PRSS23: variants seen among roughly 807,000 people sequenced by gnomAD.
PRSS23 encodes the protein protease, serine 23.
Under a neutral mutation model 34.7 loss-of-function variants are expected in PRSS23, and 25 were observed. The observed-to-expected ratio is 0.72, with a 90% CI of 0.53 to 1.01. PRSS23 has a LOEUF of 1.01. PRSS23 is among the 50% of genes least tolerant of loss of function. The probability of loss-of-function intolerance (pLI) is 0.00; values close to 1 mark genes in which losing one functional copy is unlikely to be tolerated. For synonymous variants in PRSS23, 176 were observed against 186.6 expected, an observed-to-expected ratio of 0.94 and a Z score of 0.46; for missense variants, 445 against 475.6, an observed-to-expected ratio of 0.94 and a Z score of 0.60.
chr11:86,799,242 C>G (rs1250659314), upstream of PRSS23, among the ~76,000 whole-genome samples: 2 of 152,044 alleles, frequency 1.3e-5, no homozygotes, highest in Non-Finnish European at 2.9e-5. Context: ...GAGTACTTGT[C>G]TTGAAAATAA....
chr11:86,936,462 T>C (rs1047500914), intron 2 of PRSS23: 1 of 152,150 alleles, frequency 6.6e-6, no homozygotes, highest in Non-Finnish European at 1.5e-5. Flanking sequence ...AGACAAGGTT[T>C]CTCCATGTTG....
intron 2 of PRSS23, among the ~76,000 whole-genome samples, chr11:86,918,365 G>A (rs1949027270): frequency 6.6e-6 from 1 of 152,120 alleles, no homozygotes; most frequent in Admixed American, 6.6e-5. Flanking sequence ...AATCAAAGAT[G>A]TATTCATATA....
At chr11:86,924,556 C>T (rs1412516509) in intron 2 of PRSS23, among the ~76,000 whole-genome samples, 2 of 152,140 alleles carry the variant, frequency 1.3e-5, no homozygotes, top group Non-Finnish European at 2.9e-5. Context: ...GGCTCTTGGA[C>T]CTGGGTTCAA....
intron 2 of PRSS23, among the ~76,000 whole-genome samples, chr11:86,920,709 C>T (rs1224179569): frequency 6.6e-6 from 1 of 152,090 alleles, no homozygotes; most frequent in Non-Finnish European, 1.5e-5. Context: ...ACTCAATTCC[C>T]TCCCCTTCCA....
intron 2 of PRSS23, among the ~76,000 whole-genome samples, chr11:86,828,478 C>A (rs1948322134): frequency 6.6e-6 from 1 of 152,084 alleles, no homozygotes. Context: ...TTAATTGGAG[C>A]ATTTAGTCCA....
intron 2 of PRSS23, among the ~76,000 whole-genome samples, chr11:86,895,477 CTTTTTTTTT>C (rs71040269): frequency 9.2e-5 from 8 of 86,628 alleles, no homozygotes; most frequent in African/African-American, 3.6e-4. Context: ...TTATTTTATC[CTTTTTTTTT>C]TTTTTTTTTT....
intron 1 of PRSS23, among the ~76,000 whole-genome samples, chr11:86,818,559 A>T (rs1948230574): frequency 6.6e-6 from 1 of 152,208 alleles, no homozygotes; most frequent in Non-Finnish European, 1.5e-5. Context: ...TTCAGACTAA[A>T]CGATCTCAGA....
At chr11:86,923,128 CTTTTTT>C (rs34997377) in intron 2 of PRSS23, among the ~76,000 whole-genome samples, 1 of 127,740 alleles carries the variant, frequency 7.8e-6, no homozygotes, top group Non-Finnish European at 1.7e-5. Context: ...TTCCTGTCTA[CTTTTTT>C]TTTTTTTTTT....
chr11:86,844,792 A>G (rs988396808), intron 2 of PRSS23, among the ~76,000 whole-genome samples: 1 of 152,224 alleles, frequency 6.6e-6, no homozygotes, highest in Non-Finnish European at 1.5e-5. Flanking sequence ...CAGGCAGCAA[A>G]TAATTGAGTA....
Position 86,895,046 on chromosome 11 carries a change from A to G in PRSS23, c.207-56170A>G, listed in dbSNP as rs565220128. Among the ~76,000 whole-genome samples the G allele has an allele frequency of 3.9e-5, 6 of 152,344 alleles. No homozygotes were observed. The South Asian group carries it at 1.2e-3, about 32-fold the overall frequency. ...AGTTACCAGTACTCTTTCTTTGATGACATTACAGTGAGACTTCAGATCATG... is the reference window on the plus strand; with the variant it reads ...AGTTACCAGTACTCTTTCTTTGATGGCATTACAGTGAGACTTCAGATCATG... On this transcript the variant is annotated intron_variant, in intron 2 of 2. Transcript: ENST00000533902.
chr11:86,885,293 G>A (rs562705871), intron 2 of PRSS23, among the ~76,000 whole-genome samples: 237 of 152,192 alleles, frequency 1.6e-3, no homozygotes, highest in African/African-American at 5.5e-3. Flanking sequence ...GCCCTTTCCC[G>A]GCACTGTGAT....
chr11:86,856,540 A>C (rs747938292), intron 2 of PRSS23, among the ~76,000 whole-genome samples: 1 of 152,172 alleles, frequency 6.6e-6, no homozygotes, highest in Non-Finnish European at 1.5e-5. Flanking sequence ...ACTGTGGAAA[A>C]GGATGTGAAT....
At chr11:86,803,116 C>T (rs2135594997) in intron 1 of PRSS23, among the ~76,000 whole-genome samples, 1 of 152,328 alleles carries the variant, frequency 6.6e-6, no homozygotes, top group East Asian at 1.9e-4. Context: ...GGTTGGAAAC[C>T]TTAAAAGATA....
intron 2 of PRSS23, among the ~76,000 whole-genome samples, chr11:86,871,864 T>C (rs1023713899): frequency 6.6e-6 from 1 of 152,224 alleles, no homozygotes; most frequent in African/African-American, 2.4e-5. Context: ...AGGGTCAACA[T>C]GTACACAGGC....
At chr11:86,838,644 C>T (rs748867296) in intron 2 of PRSS23, among the ~76,000 whole-genome samples, 1 of 152,204 alleles carries the variant, frequency 6.6e-6, no homozygotes, top group Non-Finnish European at 1.5e-5. Flanking sequence ...GGCATTCGAG[C>T]TCCAAGAACA....
At chr11:86,835,271 CT>C (rs1189966181) in intron 2 of PRSS23, among the ~76,000 whole-genome samples, 1 of 152,226 alleles carries the variant, frequency 6.6e-6, no homozygotes, top group Non-Finnish European at 1.5e-5. Flanking sequence ...GCTTCAGATA[CT>C]AAGACTGCTA....
At chr11:86,814,059 A>T (rs1948198350), downstream of PRSS23, among the ~76,000 whole-genome samples, 1 of 152,202 alleles carries the variant, frequency 6.6e-6, no homozygotes, top group South Asian at 2.1e-4. Context: ...ATTTGCTGAG[A>T]TGGGAAAGAC....
chr11:86,927,898 A>C (rs1439604691), intron 2 of PRSS23, among the ~76,000 whole-genome samples: 1 of 151,278 alleles, frequency 6.6e-6, no homozygotes, highest in Non-Finnish European at 1.5e-5. Flanking sequence ...CTGAGATTGC[A>C]CCACTGCACT....
chr11:86,928,706 ATTGGCAAG>A (rs1949101927), intron 2 of PRSS23, among the ~76,000 whole-genome samples: 1 of 94,102 alleles, frequency 1.1e-5, no homozygotes, highest in South Asian at 3.0e-4. Flanking sequence ...AAAAAAAAAA[ATTGGCAAG>A]ACATATACAG....
Sources: gnomAD v4.1 joint callset for allele counts (sites outside exome capture counted in the v4.1 genomes callset) on GRCh38, gnomAD v4.1.1 for gene constraint, MANE v1.5 for transcripts, NCBI Gene and HGNC (gene_info 2026-07-23, HGNC 2026-07-21) for gene names.